Variants in GRIA1 observed in about 807,000 individuals in gnomAD.
GRIA1 encodes the protein glutamate ionotropic receptor AMPA type subunit 1.
A neutral mutation model predicts 99.2 loss-of-function variants in GRIA1; 31 were observed. The observed-to-expected ratio is 0.31, with a 90% confidence interval of 0.23 to 0.42. The LOEUF (loss-of-function observed/expected upper bound fraction) is 0.42. GRIA1 is among the 10% of genes least tolerant of loss of function. The pLI is 1.00. For synonymous variants in GRIA1, 438 were observed against 432.4 expected (o/e 1.01, Z -0.16); for missense variants, 782 against 1,157.5 (o/e 0.68, Z 4.71).
At position 153,674,638 on chromosome 5, in the gene GRIA1, C is replaced by G; in HGVS notation, c.838C>G (p.Arg280Gly). ...GAATAGTGATGCTCGAGACCACACA[C>G]GGGTGGACTGGAAGAGACCCAAGGT... is the stretch of plus-strand genomic sequence containing the variant. The part of the protein sequence containing the change: ...WKNSDARDHT[R>G]VDWKRPKYTS... Residue 280 changes from arginine to glycine, a missense_variant, in exon 6 of 16, where the codon CGG becomes GGG. Transcript: ENST00000285900. 3 of 1,614,028 alleles carry G rather than the reference C, an allele frequency of 1.9e-6. No homozygotes were observed. Among genetic ancestry groups the G allele is most frequent in the Non-Finnish European group, 2.5e-6 (3 of 1,179,952 alleles).
intron 2 of GRIA1, among the ~76,000 whole-genome samples, chr5:153,545,933 G>A (rs543735480): frequency 1.4e-4 from 21 of 152,278 alleles, no homozygotes; most frequent in African/African-American, 5.1e-4. Flanking sequence ...TAGCAAATAT[G>A]TCCTCATCAG....
intron 2 of GRIA1, among the ~76,000 whole-genome samples, chr5:153,529,114 T>C (rs1757870803): frequency 6.6e-6 from 1 of 152,244 alleles, no homozygotes; most frequent in South Asian, 2.1e-4. Flanking sequence ...TAAGAGCTGT[T>C]GTATTGACTT....
At chr5:153,492,032 C>G (rs1267192716) in intron 1 of GRIA1, 2 of 874,604 alleles carry the variant, frequency 2.3e-6, no homozygotes, top group African/African-American at 3.4e-5. Context: ...CGGAATGAAG[C>G]AAGCTGCTGT....
At chr5:153,805,008 T>C (rs1766333510) in intron 15 of GRIA1, among the ~76,000 whole-genome samples, 1 of 152,160 alleles carries the variant, frequency 6.6e-6, no homozygotes, top group East Asian at 1.9e-4. Context: ...CACCTCGGCC[T>C]TCCAAAGTGC....
At chr5:153,654,187 A>G (rs971568663) in intron 4 of GRIA1, among the ~76,000 whole-genome samples, 1 of 152,160 alleles carries the variant, frequency 6.6e-6, no homozygotes, top group African/African-American at 2.4e-5. Flanking sequence ...CAAGCTCTTA[A>G]TACATATTTG....
chr5:153,548,096 C>T (rs922937128), intron 2 of GRIA1, among the ~76,000 whole-genome samples: 2 of 152,104 alleles, frequency 1.3e-5, no homozygotes, highest in African/African-American at 4.8e-5. Context: ...CCTGCTTGAG[C>T]AGGCTGAGCC....
chr5:153,607,068 T>TATATATATATATATATATAA (rs1491415058), intron 2 of GRIA1, among the ~76,000 whole-genome samples: 1,764 of 140,144 alleles, frequency 0.013, 37 homozygotes, highest in Middle Eastern at 0.032. Flanking sequence ...TATATATATA[T>TATATATATATATATATATAA]AATCACAGTT....
intron 11 of GRIA1, among the ~76,000 whole-genome samples, chr5:153,712,765 A>G (rs1051223625): frequency 1.3e-5 from 2 of 152,234 alleles, no homozygotes; most frequent in African/African-American, 4.8e-5. Flanking sequence ...AATGATGAGC[A>G]GGAAATGTGC....
chr5:153,800,388 T>G (rs960193658), intron 14 of GRIA1, among the ~76,000 whole-genome samples: 1 of 152,208 alleles, frequency 6.6e-6, no homozygotes, highest in Non-Finnish European at 1.5e-5. Flanking sequence ...AGGGAGACAT[T>G]TTGAGTGTTC....
At chr5:153,805,644 G>C (rs1340983415) in intron 15 of GRIA1, among the ~76,000 whole-genome samples, 1 of 152,186 alleles carries the variant, frequency 6.6e-6, no homozygotes, top group East Asian at 1.9e-4. Context: ...GTGCCAGGTG[G>C]TGGTGCCAGA....
chr5:153,766,057 A>G (rs1050403959), intron 12 of GRIA1, among the ~76,000 whole-genome samples: 10 of 152,144 alleles, frequency 6.6e-5, no homozygotes, highest in Non-Finnish European at 1.5e-5. Context: ...ACTGTGGGAG[A>G]TGCTGCAGGT....
chr5:153,542,914 A>C lies in GRIA1; in HGVS notation c.220+48849A>C, dbSNP rs183192532. ...TGAGTAAAGTATAGTGATTAAGAAC[A>C]AGAATGTTATAATCAGACAGATATG... On this transcript the variant is annotated intron_variant, in intron 2 of 15. Transcript: ENST00000285900. 4.6e-5 allele frequency among the ~76,000 whole-genome samples: 7 copies of C among 152,354 alleles called. No individual in the cohort carries two copies. The East Asian group carries it at 1.3e-3, about 29-fold the overall frequency.
At chr5:153,712,817 G>T (rs1759412162) in intron 11 of GRIA1, among the ~76,000 whole-genome samples, 1 of 152,198 alleles carries the variant, frequency 6.6e-6, no homozygotes, top group African/African-American at 2.4e-5. Flanking sequence ...GGGGGTTTCT[G>T]CTGGGACCCT....
intron 5 of GRIA1, among the ~76,000 whole-genome samples, chr5:153,658,687 A>G (rs576776717): frequency 1.3e-5 from 2 of 151,946 alleles, no homozygotes; most frequent in African/African-American, 2.4e-5. Context: ...GAACTGACCC[A>G]CTCCTTCGGA....
chr5:153,770,109 T>C, intron 12 of GRIA1, 59 bp from the exon 13 acceptor site: 1 of 1,570,224 alleles, frequency 6.4e-7, no homozygotes, highest in African/African-American at 1.3e-5. Context: ...TTCATTAATG[T>C]GTGCACCGAC....
At chr5:153,535,591 T>C (rs760541488) in intron 2 of GRIA1, among the ~76,000 whole-genome samples, 1 of 152,258 alleles carries the variant, frequency 6.6e-6, no homozygotes, top group African/African-American at 2.4e-5. Context: ...GTAATGTGAA[T>C]GTGAACAGTT....
intron 12 of GRIA1, among the ~76,000 whole-genome samples, chr5:153,764,887 CT>C (rs1763412597): frequency 6.6e-6 from 1 of 152,174 alleles, no homozygotes; most frequent in Non-Finnish European, 1.5e-5. Context: ...TGCTAATGCT[CT>C]GAGGGCTGCA....
rs1766889207 is a variant in GRIA1, at chr5:153,812,579, T to TTGA, written c.*1356_*1358dup. The TTGA allele has an allele frequency of 6.6e-6, 1 of 152,234 alleles. No individual in the cohort carries two copies. Among genetic ancestry groups the TTGA allele is most frequent in the Non-Finnish European group, 1.5e-5 (1 of 68,038 alleles). The allele number at this position is 152,234 out of a possible 1,614,324, so 9.4% of individuals were successfully genotyped here. A position where few individuals can be genotyped will look rare whatever the true frequency, so the allele number is the denominator to read the frequency against. Reference sequence around the variant, plus strand: ...TGACATTTAGGGCAACTTAAGACCTTTGATCCCAGGTTCTAACTCAAAGAG... The same window carrying TTGA: ...TGACATTTAGGGCAACTTAAGACCTTTGATGATCCCAGGTTCTAACTCAAAGAG... On this transcript the variant is annotated 3_prime_UTR_variant, in exon 16 of 16. Coordinates refer to ENST00000285900, the MANE Select transcript of GRIA1 (RefSeq NM_000827.4).
chr5:153,771,911 A>C (rs1487952606), intron 13 of GRIA1, among the ~76,000 whole-genome samples: 1 of 152,194 alleles, frequency 6.6e-6, no homozygotes, highest in Non-Finnish European at 1.5e-5. Context: ...GGGGAATCAA[A>C]GGACATTCCC....
Sources: gnomAD v4.1 joint callset for allele counts (sites outside exome capture counted in the v4.1 genomes callset) on GRCh38, gnomAD v4.1.1 for gene constraint, MANE v1.5 for transcripts, NCBI Gene and HGNC (gene_info 2026-07-23, HGNC 2026-07-21) for gene names.